Variants in SLC16A12 observed in about 807,000 individuals in gnomAD.
The protein encoded by SLC16A12 is monocarboxylate transporter 12.
Under a neutral mutation model 42.4 loss-of-function variants are expected in SLC16A12, and 17 were observed. The ratio of observed to expected loss-of-function variants is 0.40; its 90% CI spans 0.27 to 0.60. The LOEUF (loss-of-function observed/expected upper bound fraction) is 0.60, where lower values mean the gene tolerates loss of function less well. SLC16A12 is among the 20% of genes least tolerant of loss of function. SLC16A12 has a pLI of 0.42. For synonymous variants in SLC16A12, 224 were observed against 229.4 expected, an observed-to-expected ratio of 0.98 and a Z score of 0.21; for missense variants, 544 against 623.0, an observed-to-expected ratio of 0.87 and a Z score of 1.35.
At chr10:89,467,320 G>T (rs1021302250) in intron 2 of SLC16A12, among the ~76,000 whole-genome samples, 36 of 152,218 alleles carry the variant, frequency 2.4e-4, no homozygotes, top group African/African-American at 8.4e-4. Context: ...GATGGATCAT[G>T]AATTAGAAAG....
At chr10:89,454,007 C>T (rs1233010793) in intron 3 of SLC16A12, among the ~76,000 whole-genome samples, 1 of 151,666 alleles carries the variant, frequency 6.6e-6, no homozygotes, top group African/African-American at 2.4e-5. Flanking sequence ...ACTTTTATTG[C>T]CTCCCTCCCT....
At chr10:89,507,623 C>G (rs1189133834) in intron 2 of SLC16A12, among the ~76,000 whole-genome samples, 4 of 152,242 alleles carry the variant, frequency 2.6e-5, no homozygotes, top group African/African-American at 9.6e-5. Flanking sequence ...ACTGCAAAAA[C>G]ATGCCAAATT....
intron 3 of SLC16A12, 112 bp from the exon 4 acceptor site, chr10:89,443,971 G>A: frequency 1.4e-6 from 1 of 730,198 alleles, no homozygotes; most frequent in East Asian, 2.7e-5. Flanking sequence ...GGTTTTAATT[G>A]CTAGACCATA....
upstream of SLC16A12, among the ~76,000 whole-genome samples, chr10:89,537,145 GTT>G (rs376769096): frequency 8.5e-5 from 9 of 105,636 alleles, no homozygotes; most frequent in Admixed American, 2.0e-4. Context: ...CCGTAGGTAT[GTT>G]TTTTTTTTTT....
intron 4 of SLC16A12, 111 bp from the exon 5 acceptor site, chr10:89,441,362 A>G (rs933360503): frequency 7.5e-7 from 1 of 1,335,386 alleles, no homozygotes; most frequent in Non-Finnish European, 1.0e-6. Flanking sequence ...AGCCCACCCT[A>G]TTAATTCTGC....
rs146470543 is a variant in SLC16A12 at position 89,435,920 on chromosome 10, G to C, written c.1288+140C>G. 4,708 of 1,212,520 alleles carry C rather than the reference G, an allele frequency of 3.9e-3. 20 individuals are homozygous for C. Among genetic ancestry groups the C allele is most frequent in the Middle Eastern group, 9.7e-3 (35 of 3,620 alleles). The allele number at this position is 1,212,520 out of a possible 1,614,324, so 75.1% of individuals were successfully genotyped here. On this transcript the variant is annotated intron_variant, in intron 7 of 7. Coordinates refer to ENST00000371790, the MANE Select transcript of SLC16A12 (RefSeq NM_213606.4). Reference sequence around the variant, plus strand: ...TGTAGGTGGGACCATGATGGTTTTGGGGGCTCTTATATCCCTTTTCTCTTT... The same window carrying C: ...TGTAGGTGGGACCATGATGGTTTTGCGGGCTCTTATATCCCTTTTCTCTTT...
intron 2 of SLC16A12, among the ~76,000 whole-genome samples, chr10:89,513,570 T>C (rs1023727205): frequency 6.6e-6 from 1 of 152,210 alleles, no homozygotes; most frequent in African/African-American, 2.4e-5. Context: ...ACAAATATAA[T>C]GATTAATACT....
chr10:89,554,561 G>A (rs1330077368), intron 2 of SLC16A12, among the ~76,000 whole-genome samples: 1 of 152,200 alleles, frequency 6.6e-6, no homozygotes, highest in Non-Finnish European at 1.5e-5. Flanking sequence ...GAGGTTGTGG[G>A]GAGATGGAGG....
intron 2 of SLC16A12, among the ~76,000 whole-genome samples, chr10:89,509,069 C>T (rs1843119180): frequency 6.6e-6 from 1 of 152,100 alleles, no homozygotes; most frequent in South Asian, 2.1e-4. Context: ...TCTAAATAGA[C>T]CAATAACAGG....
At chr10:89,463,580 G>T (rs1842338247) in intron 2 of SLC16A12, among the ~76,000 whole-genome samples, 1 of 152,082 alleles carries the variant, frequency 6.6e-6, no homozygotes, top group African/African-American at 2.4e-5. Context: ...ACTCCCTGAG[G>T]TGTAAACTAA....
chr10:89,533,214 G>A (rs1843588587), intron 2 of SLC16A12, among the ~76,000 whole-genome samples: 1 of 148,920 alleles, frequency 6.7e-6, no homozygotes, highest in Admixed American at 6.7e-5. Context: ...TTGCAGGATT[G>A]GAAGGAAGAT....
intron 3 of SLC16A12, among the ~76,000 whole-genome samples, chr10:89,456,903 A>G (rs775394436): frequency 6.6e-6 from 1 of 152,150 alleles, no homozygotes; most frequent in South Asian, 2.1e-4. Flanking sequence ...ATGGCTGCAT[A>G]GTATATACAT....
At chr10:89,512,385 C>T (rs1843176500) in intron 2 of SLC16A12, among the ~76,000 whole-genome samples, 1 of 152,190 alleles carries the variant, frequency 6.6e-6, no homozygotes, top group Non-Finnish European at 1.5e-5. Flanking sequence ...CTAGTGTCTG[C>T]AGGCTCCTGG....
intron 3 of SLC16A12, among the ~76,000 whole-genome samples, chr10:89,449,020 G>A (rs1431589711): frequency 6.6e-6 from 1 of 152,094 alleles, no homozygotes; most frequent in Non-Finnish European, 1.5e-5. Context: ...GCTACAGAGA[G>A]AATAAAATAC....
At chr10:89,466,761 G>A (rs1017422580) in intron 2 of SLC16A12, among the ~76,000 whole-genome samples, 1 of 151,874 alleles carries the variant, frequency 6.6e-6, no homozygotes, top group Admixed American at 6.6e-5. Flanking sequence ...ATCCCTGATA[G>A]AGTACCCTGA....
At chr10:89,555,711 A>G (rs1325298788) in intron 2 of SLC16A12, among the ~76,000 whole-genome samples, 4 of 146,784 alleles carry the variant, frequency 2.7e-5, no homozygotes, top group Non-Finnish European at 4.5e-5. Flanking sequence ...ATATATATAT[A>G]TATATATATT....
chr10:89,507,472 C>G (rs569299239), intron 2 of SLC16A12, among the ~76,000 whole-genome samples: 8 of 152,170 alleles, frequency 5.3e-5, no homozygotes, highest in Non-Finnish European at 1.2e-4. Context: ...TCCAGCCAAA[C>G]TAAGCTTCAT....
intron 2 of SLC16A12, among the ~76,000 whole-genome samples, chr10:89,531,991 T>C (rs1031191763): frequency 6.6e-6 from 1 of 152,188 alleles, no homozygotes; most frequent in Middle Eastern, 3.2e-3. Flanking sequence ...CTCTCTTCCA[T>C]ACCAGGATGT....
At position 89,462,605 on chromosome 10, in the gene SLC16A12, G is replaced by A. The variant is rs766976329; in HGVS notation, c.-27C>T. ...CAAGGTTGGCATAGAACGCTACCTG[G>A]CCCATGGGTTACTCGCCATCTAAAA... On this transcript the variant is annotated 5_prime_UTR_variant, in exon 3 of 8. Coordinates refer to ENST00000371790, the MANE Select transcript of SLC16A12 (RefSeq NM_213606.4). 2.0e-5 allele frequency: 32 copies of A among 1,575,600 alleles called. 1 individual carries two copies. The South Asian group carries it at 2.6e-4, about 13-fold the overall frequency.
Sources: allele counts gnomAD v4.1 joint callset (sites outside exome capture counted in the v4.1 genomes callset), GRCh38; gene constraint gnomAD v4.1.1; transcripts MANE v1.5; gene names NCBI Gene and HGNC (gene_info 2026-07-23, HGNC 2026-07-21).